The following UNC13C variants were observed in gnomAD, a reference collection of about 807,000 sequenced individuals.
UNC13C encodes protein unc-13 homolog C.
Under a neutral mutation model 245.4 loss-of-function variants are expected in UNC13C, and 174 were observed. The ratio of observed to expected loss-of-function variants is 0.71; its 90% CI spans 0.63 to 0.80. UNC13C has a LOEUF of 0.80. Ranked by LOEUF, UNC13C falls within the 30% of genes least tolerant of loss-of-function variation. The pLI, the probability that UNC13C is intolerant of heterozygous loss-of-function variation, is 0.00. For missense variants in UNC13C, 2,829 were observed against 2,602.9 expected, an observed-to-expected ratio of 1.09 and a Z score of -1.89; for synonymous variants, 992 against 895.1, an observed-to-expected ratio of 1.11 and a Z score of -1.93.
the UNC13C span, among the ~76,000 whole-genome samples, chr15:53,955,266 TACAC>T: frequency 0.36 from 54,002 of 149,474 alleles, 9,758 homozygotes; most frequent in Middle Eastern, 0.4. Context: ...GACTTTTTCT[TACAC>T]ACACACACAC....
At chr15:53,933,557 A>G in the UNC13C span, among the ~76,000 whole-genome samples, 1 of 152,134 alleles carries the variant, frequency 6.6e-6, no homozygotes, top group African/African-American at 2.4e-5. Flanking sequence ...TACATTCCAA[A>G]GTTTTAATAT....
At chr15:54,594,172 G>A (rs1257016937) in intron 30 of UNC13C, among the ~76,000 whole-genome samples, 1 of 152,178 alleles carries the variant, frequency 6.6e-6, no homozygotes, top group Admixed American at 6.5e-5. Context: ...GTCTTGTGGT[G>A]TGAACCATCT....
chr15:54,420,235 T>C lies in UNC13C; in HGVS notation c.4933+5168T>C, dbSNP rs555307679. 3.9e-5 allele frequency among the ~76,000 whole-genome samples: 6 copies of C among 152,026 alleles called. No homozygotes were observed. The East Asian group carries it at 1.2e-3, about 30-fold the overall frequency. On this transcript the variant is annotated intron_variant, in intron 19 of 32. Transcript: ENST00000260323. ...GTAGCTCCTGTTGTTGAAGAACTGA[T>C]GGGCTGGGGGATTGCTTTCCTAGGT...
intron 9 of UNC13C, among the ~76,000 whole-genome samples, chr15:54,264,864 C>A (rs950597237): frequency 2.6e-5 from 4 of 151,724 alleles, no homozygotes; most frequent in Admixed American, 6.6e-5. Flanking sequence ...ATGTCAACAG[C>A]GAGTGACTGT....
intron 4 of UNC13C, among the ~76,000 whole-genome samples, chr15:54,173,649 T>A (rs1382618114): frequency 6.6e-6 from 1 of 151,666 alleles, no homozygotes; most frequent in African/African-American, 2.4e-5. Flanking sequence ...ATGCCCTTGT[T>A]ATCCACAAAT....
chr15:54,380,784 C>A (rs762638328), intron 17 of UNC13C, among the ~76,000 whole-genome samples: 2 of 152,076 alleles, frequency 1.3e-5, no homozygotes, highest in South Asian at 2.1e-4. Context: ...TGTTTAGGTT[C>A]TTTGCCCATG....
At chr15:54,226,183 G>A (rs966670734) in intron 4 of UNC13C, among the ~76,000 whole-genome samples, 6 of 152,148 alleles carry the variant, frequency 3.9e-5, no homozygotes, top group Non-Finnish European at 7.4e-5. Flanking sequence ...TAAGCTTTTT[G>A]TGTGCTGCTG....
At chr15:54,241,205 T>C (rs573529804) in intron 7 of UNC13C, among the ~76,000 whole-genome samples, 5 of 152,194 alleles carry the variant, frequency 3.3e-5, no homozygotes, top group Non-Finnish European at 5.9e-5. Context: ...TCTGTCTGGG[T>C]TGATGGGCAT....
intron 4 of UNC13C, among the ~76,000 whole-genome samples, chr15:54,167,623 AAGAAAC>A (rs2033229491): frequency 1.3e-5 from 2 of 148,636 alleles, no homozygotes; most frequent in African/African-American, 4.9e-5. Flanking sequence ...AAAAAAAAAA[AAGAAAC>A]AAAACCAAAT....
chr15:54,228,384 C>G (rs1326832635), intron 4 of UNC13C, among the ~76,000 whole-genome samples: 2 of 152,080 alleles, frequency 1.3e-5, no homozygotes, highest in Non-Finnish European at 2.9e-5. Context: ...AAGACAAAAT[C>G]TCCTTCACCC....
chr15:54,422,776 A>G (rs1301599571), intron 19 of UNC13C, among the ~76,000 whole-genome samples: 2 of 151,768 alleles, frequency 1.3e-5, no homozygotes, highest in African/African-American at 2.4e-5. Context: ...ACTCCCACGC[A>G]TCTCCAACTC....
chr15:54,327,990 G>A (rs984601753), intron 14 of UNC13C, among the ~76,000 whole-genome samples: 2 of 152,082 alleles, frequency 1.3e-5, no homozygotes, highest in Non-Finnish European at 2.9e-5. Flanking sequence ...TAAATAAAAT[G>A]CTTTAAGAAA....
At chr15:54,216,997 T>C (rs1567106556) in intron 4 of UNC13C, among the ~76,000 whole-genome samples, 3 of 152,118 alleles carry the variant, frequency 2.0e-5, no homozygotes, top group South Asian at 4.2e-4. Context: ...TAGAGTACTA[T>C]GTGTTGTTTC....
intron 25 of UNC13C, among the ~76,000 whole-genome samples, chr15:54,528,859 T>C (rs1430924352): frequency 6.6e-6 from 1 of 152,150 alleles, no homozygotes; most frequent in Non-Finnish European, 1.5e-5. Flanking sequence ...GCCCCAAGTA[T>C]CTACTACCTT....
chr15:54,524,091 C>CT (rs1313713336), intron 24 of UNC13C, among the ~76,000 whole-genome samples: 1 of 152,088 alleles, frequency 6.6e-6, no homozygotes, highest in Non-Finnish European at 1.5e-5. Context: ...TATTTTAAGT[C>CT]TTTTTAAAAT....
chr15:53,894,072 C>T, the UNC13C span, among the ~76,000 whole-genome samples: 6 of 152,300 alleles, frequency 3.9e-5, no homozygotes, highest in African/African-American at 7.2e-5. Context: ...CCTTCCCCCA[C>T]GACTTCCCTT....
At chr15:54,117,235 C>A (rs558259558) in intron 2 of UNC13C, among the ~76,000 whole-genome samples, 1 of 152,160 alleles carries the variant, frequency 6.6e-6, no homozygotes, top group East Asian at 1.9e-4. Flanking sequence ...TATCTCTTCA[C>A]TTTTTTGATT....
chr15:54,377,428 A>G (rs1596303592), intron 17 of UNC13C, among the ~76,000 whole-genome samples: 1 of 152,204 alleles, frequency 6.6e-6, no homozygotes, highest in East Asian at 1.9e-4. Flanking sequence ...GGAGGAACAG[A>G]TTAGGTGAAC....
At chr15:54,189,597 G>A (rs1304801730) in intron 4 of UNC13C, among the ~76,000 whole-genome samples, 1 of 151,986 alleles carries the variant, frequency 6.6e-6, no homozygotes, top group African/African-American at 2.4e-5. Context: ...TCGGGAAAAT[G>A]GAAACAAGAT....
Sources: allele counts gnomAD v4.1 joint callset (sites outside exome capture counted in the v4.1 genomes callset), GRCh38; gene constraint gnomAD v4.1.1; transcripts MANE v1.5; gene names NCBI Gene and HGNC (gene_info 2026-07-23, HGNC 2026-07-21).